Variants in ARHGAP15 observed in about 807,000 individuals in gnomAD.
The protein encoded by ARHGAP15 is rho GTPase-activating protein 15.
Under a neutral mutation model 63.7 loss-of-function variants are expected in ARHGAP15, and 51 were observed. The ratio of observed to expected loss-of-function variants is 0.80; its 90% CI spans 0.64 to 1.01. ARHGAP15 has a LOEUF of 1.01. Ranked by LOEUF, ARHGAP15 falls within the 50% of genes least tolerant of loss-of-function variation. The pLI is 0.00. For synonymous variants in ARHGAP15, 191 were observed against 193.8 expected, an observed-to-expected ratio of 0.99 and a Z score of 0.12; for missense variants, 560 against 564.6, an observed-to-expected ratio of 0.99 and a Z score of 0.08.
intron 11 of ARHGAP15, among the ~76,000 whole-genome samples, chr2:143,611,162 A>C (rs1247614782): frequency 6.6e-6 from 1 of 152,156 alleles, no homozygotes. Context: ...CCAGGAACTC[A>C]TGTTGTTTGT....
At chr2:143,498,431 G>A (rs1166577966) in intron 9 of ARHGAP15, among the ~76,000 whole-genome samples, 1 of 152,076 alleles carries the variant, frequency 6.6e-6, no homozygotes, top group Non-Finnish European at 1.5e-5. Context: ...AATTGCAATA[G>A]GGAGAGGTAT....
chr2:143,230,953 A>C (rs1693409356), intron 5 of ARHGAP15, among the ~76,000 whole-genome samples: 1 of 152,228 alleles, frequency 6.6e-6, no homozygotes, highest in African/African-American at 2.4e-5. Flanking sequence ...GATTTAAAAG[A>C]ATAAATGGTA....
chr2:143,172,438 A>G lies in ARHGAP15; in HGVS notation c.165+16783A>G, dbSNP rs187669859. Among the ~76,000 whole-genome samples the G allele has an allele frequency of 4.9e-4, 74 of 152,214 alleles. 1 individual carries two copies. Among genetic ancestry groups the G allele is most frequent in the Middle Eastern group, 6.8e-3 (2 of 294 alleles). Reference sequence around the variant, plus strand: ...CATAAGTCTCTCTGTTGGGTAAAGCATAGGTTAGGAGAGGAAGAGAGAAAA... The same window carrying G: ...CATAAGTCTCTCTGTTGGGTAAAGCGTAGGTTAGGAGAGGAAGAGAGAAAA... On this transcript the variant is annotated intron_variant, in intron 2 of 13. Transcript: ENST00000295095.
chr2:143,432,775 A>G (rs914559025), intron 6 of ARHGAP15, among the ~76,000 whole-genome samples: 1 of 152,064 alleles, frequency 6.6e-6, no homozygotes, highest in Non-Finnish European at 1.5e-5. Context: ...CACTTCATTA[A>G]GGTTACTTTG....
At chr2:143,486,860 T>C (rs1181690782) in intron 8 of ARHGAP15, among the ~76,000 whole-genome samples, 1 of 152,160 alleles carries the variant, frequency 6.6e-6, no homozygotes, top group African/African-American at 2.4e-5. Flanking sequence ...TATACATCAA[T>C]AAGGAGAGTA....
chr2:143,386,907 G>A (rs1311461654), intron 6 of ARHGAP15, among the ~76,000 whole-genome samples: 1 of 151,874 alleles, frequency 6.6e-6, no homozygotes, highest in East Asian at 1.9e-4. Flanking sequence ...TGCAGGAACA[G>A]AAAACCAAAT....
intron 8 of ARHGAP15, among the ~76,000 whole-genome samples, chr2:143,438,082 A>T (rs371879122): frequency 1.3e-5 from 2 of 152,270 alleles, no homozygotes; most frequent in African/African-American, 4.8e-5. Context: ...AGTCTTAAAA[A>T]TTATAGTATT....
chr2:143,545,466 A>T (rs567676221), intron 10 of ARHGAP15, among the ~76,000 whole-genome samples: 10 of 151,830 alleles, frequency 6.6e-5, no homozygotes, highest in African/African-American at 2.2e-4. Flanking sequence ...GAACAGAGTT[A>T]TTTCAGATAT....
intron 9 of ARHGAP15, among the ~76,000 whole-genome samples, chr2:143,514,644 A>C (rs1416324366): frequency 6.6e-6 from 1 of 152,138 alleles, no homozygotes; most frequent in Non-Finnish European, 1.5e-5. Context: ...ATAAAATCTC[A>C]GTGGCATATA....
chr2:143,527,892 G>C (rs901920248), intron 10 of ARHGAP15, among the ~76,000 whole-genome samples: 2 of 151,988 alleles, frequency 1.3e-5, no homozygotes, highest in Non-Finnish European at 2.9e-5. Context: ...AACAGTTGTT[G>C]GTTGAAGGCA....
At chr2:143,163,016 T>C (rs1690359752) in intron 2 of ARHGAP15, among the ~76,000 whole-genome samples, 1 of 152,070 alleles carries the variant, frequency 6.6e-6, no homozygotes, top group Non-Finnish European at 1.5e-5. Context: ...TTTTCAAAAA[T>C]GTATTTTAAT....
chr2:143,280,889 T>G (rs1370102056), intron 6 of ARHGAP15, among the ~76,000 whole-genome samples: 4 of 152,086 alleles, frequency 2.6e-5, no homozygotes, highest in African/African-American at 9.7e-5. Flanking sequence ...ATCTATAGTT[T>G]TAGATACAAA....
rs139435016 is a variant in ARHGAP15, at chr2:143,355,522, G to C, written c.475-80079G>C. On this transcript the variant is annotated intron_variant, in intron 6 of 13. Coordinates refer to ENST00000295095, the MANE Select transcript of ARHGAP15 (RefSeq NM_018460.4). ...TATTCTGACCAAATCACTACAGCTA[G>C]TAATCTTGTCCATGATATTACCAAT... Among the ~76,000 whole-genome samples, 26 of 152,252 alleles carry C rather than the reference G, an allele frequency of 1.7e-4. No homozygotes were observed. In the East Asian group the frequency reaches 5.0e-3, roughly 29 times the overall value.
intron 5 of ARHGAP15, among the ~76,000 whole-genome samples, chr2:143,249,604 T>TG (rs1207693993): frequency 6.6e-6 from 1 of 152,076 alleles, no homozygotes; most frequent in Non-Finnish European, 1.5e-5. Flanking sequence ...AGAAACTTCT[T>TG]GAAAAAATAG....
At chr2:143,439,094 A>G (rs1689744466) in intron 8 of ARHGAP15, among the ~76,000 whole-genome samples, 1 of 152,084 alleles carries the variant, frequency 6.6e-6, no homozygotes, top group South Asian at 2.1e-4. Flanking sequence ...AAAGACAATT[A>G]TTTTTCTACT....
rs1289207785 is a variant in ARHGAP15, at chr2:143,351,131, AT to A, written c.475-84469del. On this transcript the variant is annotated intron_variant, in intron 6 of 13. Transcript: ENST00000295095. ...AGAATGGATGCCGTATGCACAAAGTATGCTTCTGACAATAACTGCAAAAAGT... is the reference window on the plus strand; with the variant it reads ...AGAATGGATGCCGTATGCACAAAGTAGCTTCTGACAATAACTGCAAAAAGT... 3 of 152,204 alleles carry A rather than the reference AT, an allele frequency of 2.0e-5. No homozygotes were observed. In the East Asian group the frequency reaches 5.8e-4, roughly 29 times the overall value. 9.4% of individuals were successfully genotyped at this position (152,204 alleles called of 1,614,324 possible). A position where few individuals can be genotyped will look rare whatever the true frequency, so the allele number is the denominator to read the frequency against.
intron 12 of ARHGAP15, among the ~76,000 whole-genome samples, chr2:143,625,246 T>A (rs533650858): frequency 5.5e-4 from 84 of 152,268 alleles, no homozygotes; most frequent in African/African-American, 1.9e-3. Flanking sequence ...AGGTCTGATC[T>A]TGGATGGCTG....
At chr2:143,297,493 C>A (rs547423563) in intron 6 of ARHGAP15, among the ~76,000 whole-genome samples, 9 of 152,090 alleles carry the variant, frequency 5.9e-5, no homozygotes, top group African/African-American at 2.2e-4. Flanking sequence ...GTCATGGTTT[C>A]TTCCTTGTTC....
intron 6 of ARHGAP15, among the ~76,000 whole-genome samples, chr2:143,270,806 C>A (rs571742508): frequency 5.3e-5 from 8 of 152,244 alleles, no homozygotes; most frequent in Admixed American, 4.6e-4. Flanking sequence ...ATGGAAACAA[C>A]CTGATTTTGG....
Sources: allele counts gnomAD v4.1 joint callset (sites outside exome capture counted in the v4.1 genomes callset), GRCh38; gene constraint gnomAD v4.1.1; transcripts MANE v1.5; gene names NCBI Gene and HGNC (gene_info 2026-07-23, HGNC 2026-07-21).